The following NCKAP5 variants were observed in gnomAD, a reference collection of about 807,000 sequenced individuals.
The protein encoded by NCKAP5 is nck-associated protein 5.
NCKAP5 carries 92 observed loss-of-function variants against 167.0 expected under a neutral mutation model. The ratio of observed to expected loss-of-function variants is 0.55; its 90% confidence interval spans 0.47 to 0.66. NCKAP5 has a LOEUF of 0.66. NCKAP5 is among the 30% of genes least tolerant of loss of function. The pLI is 0.00. For synonymous variants in NCKAP5, 891 were observed against 877.4 expected (o/e 1.02, Z -0.27); for missense variants, 2,378 against 2,315.0 (o/e 1.03, Z -0.56).
chr2:133,312,183 C>T (rs1681284110), intron 3 of NCKAP5, among the ~76,000 whole-genome samples: 1 of 152,140 alleles, frequency 6.6e-6, no homozygotes, highest in African/African-American at 2.4e-5. Flanking sequence ...GAAATTTCAT[C>T]AGTATGAATT....
rs192720098 is a variant in NCKAP5 at position 133,523,499 on chromosome 2, G to A, written c.-61-5912C>T. Reference sequence around the variant, plus strand: ...GGGCTCTCTTGCTTAGGCATTAGAAGATTTGGTTCCTAGCTTTCTTTGCCA... The same window carrying A: ...GGGCTCTCTTGCTTAGGCATTAGAAAATTTGGTTCCTAGCTTTCTTTGCCA... On this transcript the variant is annotated intron_variant, in intron 2 of 19. Coordinates refer to ENST00000409261, the MANE Select transcript of NCKAP5 (RefSeq NM_207363.3). Among the ~76,000 whole-genome samples the A allele has an allele frequency of 2.6e-5, 4 of 152,166 alleles. No homozygotes were observed. In the East Asian group the frequency reaches 5.8e-4, roughly 22 times the overall value.
At chr2:132,752,180 T>G (rs1574081998) in intron 16 of NCKAP5, among the ~76,000 whole-genome samples, 1 of 152,242 alleles carries the variant, frequency 6.6e-6, no homozygotes, top group Non-Finnish European at 1.5e-5. Context: ...AACTGCATAC[T>G]GAATAAATAT....
intron 3 of NCKAP5, among the ~76,000 whole-genome samples, chr2:133,441,651 A>G (rs1690869571): frequency 6.6e-6 from 1 of 152,216 alleles, no homozygotes; most frequent in Non-Finnish European, 1.5e-5. Flanking sequence ...ATAAACTAAG[A>G]TAATAAACTT....
intron 6 of NCKAP5, among the ~76,000 whole-genome samples, chr2:133,086,663 A>T (rs1265107124): frequency 1.3e-5 from 2 of 152,152 alleles, no homozygotes; most frequent in South Asian, 2.1e-4. Context: ...ATAAAAAAAA[A>T]TTTCTGATCC....
chr2:133,325,116 C>T (rs1574704814), intron 3 of NCKAP5, among the ~76,000 whole-genome samples: 1 of 152,162 alleles, frequency 6.6e-6, no homozygotes, highest in Non-Finnish European at 1.5e-5. Context: ...AAAAAATGGA[C>T]GATGTCTCCT....
At chr2:133,323,129 C>CA (rs1682177052) in intron 3 of NCKAP5, among the ~76,000 whole-genome samples, 1 of 152,112 alleles carries the variant, frequency 6.6e-6, no homozygotes. Flanking sequence ...AGTGTGTTTT[C>CA]AAATAGTTCC....
At chr2:133,621,452 T>C in the NCKAP5 span, among the ~76,000 whole-genome samples, 1 of 152,000 alleles carries the variant, frequency 6.6e-6, no homozygotes, top group Non-Finnish European at 1.5e-5. Context: ...TCACAACTGA[T>C]ACCACAGGAA....
At chr2:132,770,081 T>C (rs1009641310) in intron 16 of NCKAP5, among the ~76,000 whole-genome samples, 3 of 152,222 alleles carry the variant, frequency 2.0e-5, no homozygotes, top group African/African-American at 7.2e-5. Context: ...TGCAGTTTAC[T>C]GAAGTAGGCT....
intron 3 of NCKAP5, among the ~76,000 whole-genome samples, chr2:133,313,255 G>A (rs957030359): frequency 1.3e-5 from 2 of 152,138 alleles, no homozygotes; most frequent in Non-Finnish European, 2.9e-5. Context: ...CAAGAAATGA[G>A]TTTTCAAATT....
intron 4 of NCKAP5, among the ~76,000 whole-genome samples, chr2:133,252,561 C>T (rs1443105331): frequency 6.6e-6 from 1 of 152,152 alleles, no homozygotes; most frequent in Admixed American, 6.5e-5. Context: ...AGTAATGCTG[C>T]CGTGAAGCAG....
At chr2:133,222,873 T>C (rs2086715236) in intron 4 of NCKAP5, among the ~76,000 whole-genome samples, 1 of 152,236 alleles carries the variant, frequency 6.6e-6, no homozygotes, top group Admixed American at 6.5e-5. Context: ...AACTTGTGCC[T>C]CTGTAGCTAC....
At chr2:133,591,537 G>T in the NCKAP5 span, among the ~76,000 whole-genome samples, 2 of 152,206 alleles carry the variant, frequency 1.3e-5, no homozygotes, top group African/African-American at 2.4e-5. Flanking sequence ...TGAAAATCCT[G>T]GTCGTCTAAA....
At chr2:133,541,153 A>G (rs1303768673) in intron 2 of NCKAP5, among the ~76,000 whole-genome samples, 1 of 151,632 alleles carries the variant, frequency 6.6e-6, no homozygotes, top group Non-Finnish European at 1.5e-5. Context: ...AAAATTATCA[A>G]ATCAAATCCA....
intron 7 of NCKAP5, among the ~76,000 whole-genome samples, chr2:132,964,715 C>T (rs1287341386): frequency 6.6e-6 from 1 of 152,124 alleles, no homozygotes; most frequent in Non-Finnish European, 1.5e-5. Flanking sequence ...GAAATCTTTG[C>T]TTTAATGTAG....
chr2:133,597,759 G>T, the NCKAP5 span, among the ~76,000 whole-genome samples: 1 of 151,282 alleles, frequency 6.6e-6, no homozygotes, highest in South Asian at 2.1e-4. Context: ...TCATGCCTCT[G>T]GCTTAGTGTG....
chr2:133,625,151 T>G, the NCKAP5 span, among the ~76,000 whole-genome samples: 1 of 152,170 alleles, frequency 6.6e-6, no homozygotes, highest in South Asian at 2.1e-4. Context: ...ATAAAACAAA[T>G]TATGTTGTTG....
chr2:132,854,399 G>C (rs1689303524), intron 11 of NCKAP5, among the ~76,000 whole-genome samples: 1 of 152,220 alleles, frequency 6.6e-6, no homozygotes, highest in East Asian at 1.9e-4. Flanking sequence ...TAGTGAGCAA[G>C]GTGTGAGTAG....
At position 132,731,744 on chromosome 2, in the gene NCKAP5, A is replaced by G; in HGVS notation, c.5436T>C (p.Ala1812=). ...GGGAAATTGGCATTTTACCTGAGGA[A>G]GCTGGTTTGGGGAGGCGGCTCTGAA... The part of the protein sequence containing the change: ...RPLQSRLPKP[A]SSGKVSSQKQ... The change falls in exon 17 of 20, where the codon GCT becomes GCC. Residue 1812 remains alanine, a synonymous_variant. Transcript: ENST00000409261. The G allele has an allele frequency of 1.0e-5, 16 of 1,578,286 alleles. No individual in the cohort carries two copies. Among genetic ancestry groups the G allele is most frequent in the Non-Finnish European group, 1.2e-5 (14 of 1,158,048 alleles).
chr2:133,365,834 ACTATT>A (rs1685424202), intron 3 of NCKAP5, among the ~76,000 whole-genome samples: 1 of 152,192 alleles, frequency 6.6e-6, no homozygotes. Context: ...CTGTCTGAAA[ACTATT>A]CAATTTGAAA....
Sources: allele counts gnomAD v4.1 joint callset (sites outside exome capture counted in the v4.1 genomes callset), GRCh38; gene constraint gnomAD v4.1.1; transcripts MANE v1.5; gene names NCBI Gene and HGNC (gene_info 2026-07-23, HGNC 2026-07-21).